Variants in NAV2 observed in about 807,000 individuals in gnomAD.
NAV2 encodes the protein helicase, APC down-regulated 1.
In NAV2, 54 loss-of-function variants were observed where a neutral mutation model predicts 223.2. The observed-to-expected ratio is 0.24, with a 90% CI of 0.19 to 0.30. The LOEUF (loss-of-function observed/expected upper bound fraction) is 0.30. Ranked by LOEUF, NAV2 falls within the 10% of genes least tolerant of loss-of-function variation. The probability of loss-of-function intolerance (pLI) is 1.00; values close to 1 mark genes in which losing one functional copy is unlikely to be tolerated. For missense variants in NAV2, 2,806 were observed against 3,147.5 expected, an observed-to-expected ratio of 0.89 and a Z score of 2.60; for synonymous variants, 1,279 against 1,239.3, an observed-to-expected ratio of 1.03 and a Z score of -0.67.
Position 19,478,702 on chromosome 11 carries a change from C to T in NAV2, c.75+127675C>T, listed in dbSNP as rs528774424. On this transcript the variant is annotated intron_variant, in intron 1 of 37. Transcript: ENST00000360655. Reference sequence around the variant, plus strand: ...CCTTCATCTTGCCTGCTATGCTAACCCCTATGCTGTGCATGTGTGCACGCA... The same window carrying T: ...CCTTCATCTTGCCTGCTATGCTAACTCCTATGCTGTGCATGTGTGCACGCA... 9.2e-5 allele frequency among the ~76,000 whole-genome samples: 14 copies of T among 152,304 alleles called. No homozygotes were observed. In the East Asian group the frequency reaches 2.5e-3, roughly 27 times the overall value.
chr11:19,585,295 C>G (rs2045858829), intron 1 of NAV2, among the ~76,000 whole-genome samples: 1 of 152,120 alleles, frequency 6.6e-6, no homozygotes, highest in South Asian at 2.1e-4. Context: ...GATGGGTTTC[C>G]TGAATACAGC....
At chr11:19,694,692 C>G (rs2049277311) in intron 1 of NAV2, among the ~76,000 whole-genome samples, 1 of 152,174 alleles carries the variant, frequency 6.6e-6, no homozygotes, top group South Asian at 2.1e-4. Flanking sequence ...TCTGGTCCCT[C>G]TTTTCCTTAG....
At chr11:19,888,703 C>T (rs2041237424) in intron 5 of NAV2, among the ~76,000 whole-genome samples, 1 of 152,126 alleles carries the variant, frequency 6.6e-6, no homozygotes, top group African/African-American at 2.4e-5. Flanking sequence ...TTTCCTCCCA[C>T]TCTGTCCCCC....
chr11:20,015,795 CAG>C (rs2053953930), intron 11 of NAV2, among the ~76,000 whole-genome samples: 1 of 152,150 alleles, frequency 6.6e-6, no homozygotes, highest in African/African-American at 2.4e-5. Context: ...TGGTAAATGA[CAG>C]TATCTCAATT....
intron 1 of NAV2, among the ~76,000 whole-genome samples, chr11:19,655,340 C>A (rs906118126): frequency 3.3e-5 from 5 of 152,126 alleles, no homozygotes; most frequent in Admixed American, 3.3e-4. Context: ...GTGGCGATTC[C>A]TCAAGGATCT....
Position 20,059,762 on chromosome 11 carries a change from C to G in NAV2, c.4832-2545C>G, listed in dbSNP as rs114578681. 3.3e-3 allele frequency among the ~76,000 whole-genome samples: 498 copies of G among 152,298 alleles called. 1 individual carries two copies. The highest frequency in any genetic ancestry group is 0.011 in the African/African-American group (478 of 41,576). Reference sequence around the variant, plus strand: ...ATGGCAGAAGTGGCCTAGATATTCTCTATGGTTCCTTGTAGCTGAAAAAAT... The same window carrying G: ...ATGGCAGAAGTGGCCTAGATATTCTGTATGGTTCCTTGTAGCTGAAAAAAT... On this transcript the variant is annotated intron_variant, in intron 19 of 37. Coordinates refer to ENST00000349880, the MANE Select transcript of NAV2 (RefSeq NM_145117.5).
At chr11:19,438,976 C>T (rs543553650) in intron 1 of NAV2, among the ~76,000 whole-genome samples, 25 of 152,204 alleles carry the variant, frequency 1.6e-4, no homozygotes, top group Non-Finnish European at 2.9e-4. Context: ...ATCGCCAGCC[C>T]CTCCCTCCTC....
intron 1 of NAV2, among the ~76,000 whole-genome samples, chr11:19,697,007 C>A (rs1260729012): frequency 6.6e-6 from 1 of 152,180 alleles, no homozygotes; most frequent in African/African-American, 2.4e-5. Context: ...CCCGAGGTTA[C>A]ACAGCATTGT....
At chr11:20,041,006 C>T (rs960954428) in intron 12 of NAV2, among the ~76,000 whole-genome samples, 2 of 152,144 alleles carry the variant, frequency 1.3e-5, no homozygotes, top group African/African-American at 4.8e-5. Flanking sequence ...GAGAGAAAGT[C>T]AAGCCACATT....
chr11:19,358,716 A>C (rs1030869746), intron 1 of NAV2, among the ~76,000 whole-genome samples: 1 of 152,192 alleles, frequency 6.6e-6, no homozygotes, highest in African/African-American at 2.4e-5. Flanking sequence ...TCTGCTTCTT[A>C]GGTGAGTAAG....
intron 1 of NAV2, among the ~76,000 whole-genome samples, chr11:19,465,588 A>C (rs943057344): frequency 9.2e-5 from 14 of 152,186 alleles, no homozygotes; most frequent in African/African-American, 3.4e-4. Flanking sequence ...CTCGAGAGAA[A>C]GTCCCCTGAT....
intron 4 of NAV2, 108 bp downstream of exon 4, chr11:19,869,105 C>G: frequency 1.8e-6 from 2 of 1,111,632 alleles, no homozygotes; most frequent in Non-Finnish European, 2.6e-6. Flanking sequence ...TTGTGGGCTC[C>G]TCTGGTTTTG....
intron 1 of NAV2, among the ~76,000 whole-genome samples, chr11:19,572,482 G>A (rs1247769497): frequency 1.3e-5 from 2 of 152,158 alleles, no homozygotes; most frequent in Admixed American, 6.5e-5. Flanking sequence ...AAAAGGACTT[G>A]ACCTGGGGCA....
At chr11:19,917,386 A>G (rs1187257705) in intron 6 of NAV2, among the ~76,000 whole-genome samples, 7 of 152,248 alleles carry the variant, frequency 4.6e-5, no homozygotes, top group Admixed American at 1.3e-4. Context: ...TGCACACCCC[A>G]TGTTCCCTAG....
chr11:20,061,176 G>A (rs866885465), intron 19 of NAV2, among the ~76,000 whole-genome samples: 1 of 152,158 alleles, frequency 6.6e-6, no homozygotes, highest in Non-Finnish European at 1.5e-5. Context: ...ACAAGTTGTC[G>A]AGAAGTTACC....
At chr11:19,570,205 C>T (rs1176885219) in intron 1 of NAV2, among the ~76,000 whole-genome samples, 7 of 152,278 alleles carry the variant, frequency 4.6e-5, no homozygotes, top group African/African-American at 1.7e-4. Flanking sequence ...AGATTCAAAC[C>T]CTGCCTCTGC....
intron 1 of NAV2, among the ~76,000 whole-genome samples, chr11:19,716,550 A>G (rs967061407): frequency 6.6e-6 from 1 of 152,196 alleles, no homozygotes; most frequent in African/African-American, 2.4e-5. Context: ...GATATGGCTT[A>G]TTCTCTCAAG....
intron 30 of NAV2, among the ~76,000 whole-genome samples, chr11:20,096,144 T>C (rs1421208145): frequency 6.6e-6 from 1 of 152,230 alleles, no homozygotes; most frequent in Non-Finnish European, 1.5e-5. Flanking sequence ...ACACCAGATT[T>C]CTAGCCTTCA....
chr11:19,802,359 C>T (rs2058320256), intron 1 of NAV2, among the ~76,000 whole-genome samples: 1 of 152,014 alleles, frequency 6.6e-6, no homozygotes, highest in Admixed American at 6.6e-5. Context: ...ATTCTGGGTT[C>T]CAGGAGCGCC....
Sources: allele counts gnomAD v4.1 joint callset (sites outside exome capture counted in the v4.1 genomes callset), GRCh38; gene constraint gnomAD v4.1.1; transcripts MANE v1.5; gene names NCBI Gene and HGNC (gene_info 2026-07-23, HGNC 2026-07-21).